NPAS3: variants seen among roughly 807,000 people sequenced by gnomAD.
The protein encoded by NPAS3 is neuronal PAS domain protein 3, also known as neuronal PAS domain-containing protein 3.
NPAS3 carries 14 observed loss-of-function variants against 73.1 expected under a neutral mutation model. The observed-to-expected ratio is 0.19, with a 90% CI of 0.13 to 0.30. The LOEUF (loss-of-function observed/expected upper bound fraction) is 0.30, where lower values mean the gene tolerates loss of function less well. NPAS3 is among the 10% of genes least tolerant of loss of function. NPAS3 has a pLI of 1.00. For missense variants in NPAS3, 1,096 were observed against 1,250.0 expected (o/e 0.88, Z 1.86); for synonymous variants, 620 against 541.5 (o/e 1.14, Z -2.01).
chr14:33,503,364 T>C (rs2052607893), intron 4 of NPAS3, among the ~76,000 whole-genome samples: 1 of 151,976 alleles, frequency 6.6e-6, no homozygotes, highest in South Asian at 2.1e-4. Flanking sequence ...ACTATAATAA[T>C]GTTCATGCCA....
intron 7 of NPAS3, among the ~76,000 whole-genome samples, chr14:33,755,068 G>A (rs2140789357): frequency 1.3e-5 from 2 of 152,238 alleles, no homozygotes; most frequent in South Asian, 4.2e-4. Flanking sequence ...TCCTCGTTTT[G>A]CCACTTGATA....
chr14:33,203,366 G>T (rs2046693655), intron 2 of NPAS3, among the ~76,000 whole-genome samples: 1 of 151,870 alleles, frequency 6.6e-6, no homozygotes, highest in East Asian at 1.9e-4. Flanking sequence ...AAGTTTTAGG[G>T]TATATGTGCA....
intron 4 of NPAS3, among the ~76,000 whole-genome samples, chr14:33,484,371 G>A (rs2051478032): frequency 6.6e-6 from 1 of 152,168 alleles, no homozygotes; most frequent in Admixed American, 6.5e-5. Flanking sequence ...ATCTATATTT[G>A]TCTTCCTTCG....
intron 2 of NPAS3, among the ~76,000 whole-genome samples, chr14:33,157,237 T>A (rs948138091): frequency 2.0e-5 from 3 of 152,210 alleles, no homozygotes; most frequent in Admixed American, 1.3e-4. Context: ...TACATAAGGT[T>A]CAAATTATCT....
At chr14:33,070,211 C>T (rs2041435715) in intron 2 of NPAS3, among the ~76,000 whole-genome samples, 1 of 152,086 alleles carries the variant, frequency 6.6e-6, no homozygotes, top group Non-Finnish European at 1.5e-5. Flanking sequence ...AATTACTCCT[C>T]CTTGTTTATA....
At chr14:33,791,749 CT>C (rs935572649) in intron 9 of NPAS3, among the ~76,000 whole-genome samples, 16 of 152,120 alleles carry the variant, frequency 1.1e-4, no homozygotes, top group Non-Finnish European at 1.5e-5. Context: ...GGAGATAATT[CT>C]TTTTAAAATT....
rs1172302918 is a variant in NPAS3, at chr14:33,475,155, G to C, written c.469-84966G>C. 2.0e-5 allele frequency among the ~76,000 whole-genome samples: 3 copies of C among 152,124 alleles called. No homozygotes were observed. In the South Asian group the frequency reaches 6.2e-4, roughly 32 times the overall value. ...GACATATCGAGTCATCAACATAGAA[G>C]TTTTGATCTAATGTGATAAGCTCTG... On this transcript the variant is annotated intron_variant, in intron 4 of 11. Coordinates refer to ENST00000356141, the Ensembl canonical transcript of NPAS3.
At chr14:33,670,461 G>T (rs931147583) in intron 5 of NPAS3, among the ~76,000 whole-genome samples, 11 of 152,172 alleles carry the variant, frequency 7.2e-5, no homozygotes, top group Non-Finnish European at 1.6e-4. Flanking sequence ...TGTCAAAACA[G>T]TTCATAAATA....
chr14:33,684,998 T>C (rs1288040633), intron 6 of NPAS3, among the ~76,000 whole-genome samples: 2 of 152,188 alleles, frequency 1.3e-5, no homozygotes, highest in Non-Finnish European at 2.9e-5. Context: ...AGAATTAGCT[T>C]GAGGGAAGAA....
intron 3 of NPAS3, among the ~76,000 whole-genome samples, chr14:33,303,939 G>T (rs1463436542): frequency 2.0e-5 from 3 of 152,144 alleles, no homozygotes; most frequent in Admixed American, 6.5e-5. Flanking sequence ...ACGGAGTCTC[G>T]CTCTGTTGCC....
chr14:33,555,518 TA>T (rs1019003313), intron 4 of NPAS3, among the ~76,000 whole-genome samples: 1 of 152,078 alleles, frequency 6.6e-6, no homozygotes, highest in African/African-American at 2.4e-5. Context: ...ATTCAAAATT[TA>T]AAAAAAATTC....
At chr14:33,224,536 T>C (rs2047551739) in intron 3 of NPAS3, among the ~76,000 whole-genome samples, 1 of 150,756 alleles carries the variant, frequency 6.6e-6, no homozygotes, top group South Asian at 2.1e-4. Context: ...CCAATAGATA[T>C]TTTTTTTGTT....
chr14:33,244,000 T>C (rs1284957232), intron 3 of NPAS3, among the ~76,000 whole-genome samples: 1 of 152,186 alleles, frequency 6.6e-6, no homozygotes, highest in Non-Finnish European at 1.5e-5. Flanking sequence ...CTTCTTTTTC[T>C]AGAAGGCTTC....
intron 6 of NPAS3, among the ~76,000 whole-genome samples, chr14:33,711,469 G>A (rs928958583): frequency 5.1e-4 from 77 of 152,254 alleles, no homozygotes; most frequent in African/African-American, 1.6e-3. Flanking sequence ...CCAAATAAAC[G>A]TAGATAGAAT....
chr14:33,760,848 T>C (rs1467620870), intron 7 of NPAS3, among the ~76,000 whole-genome samples: 2 of 152,222 alleles, frequency 1.3e-5, no homozygotes, highest in South Asian at 4.1e-4. Context: ...TAGCACAATA[T>C]GTAATATTTC....
chr14:33,145,544 ATAGATCTAC>A (rs781311788), intron 2 of NPAS3, among the ~76,000 whole-genome samples: 7 of 152,002 alleles, frequency 4.6e-5, no homozygotes, highest in Non-Finnish European at 7.4e-5. Context: ...CACTCAAATG[ATAGATCTAC>A]TTTCTATTCT....
intron 2 of NPAS3, among the ~76,000 whole-genome samples, chr14:33,211,780 G>T (rs542789351): frequency 6.6e-6 from 1 of 152,238 alleles, no homozygotes; most frequent in South Asian, 2.1e-4. Context: ...GATTTGTGAG[G>T]ATGATAATGT....
chr14:33,183,421 GTTTTTTTTTTTTTTTTTTTTTTT>G lies in NPAS3; in HGVS notation c.141-31747_141-31725del, dbSNP rs55643715. On this transcript the variant is annotated intron_variant, in intron 2 of 11. Transcript: ENST00000356141. Reference sequence around the variant, plus strand: ...AGCCTGGGCGACAGAGTGAGACTCTGTTTTTTTTTTTTTTTTTTTTTTTTTTTTTTTTTTTTGAAACAATCTGT... The same window carrying G: ...AGCCTGGGCGACAGAGTGAGACTCTGTTTTTTTTTTTTTGAAACAATCTGT... Among the ~76,000 whole-genome samples, 77 of 60,766 alleles carry G rather than the reference GTTTTTTTTTTTTTTTTTTTTTTT, an allele frequency of 1.3e-3. 1 individual carries two copies. The highest frequency in any genetic ancestry group is 1.7e-3 in the Non-Finnish European group (61 of 35,064). The allele number at this position is 60,766 out of a possible 152,430, so 39.9% of individuals were successfully genotyped here.
At chr14:33,316,653 T>C (rs1337852817) in intron 3 of NPAS3, among the ~76,000 whole-genome samples, 1 of 152,076 alleles carries the variant, frequency 6.6e-6, no homozygotes, top group Non-Finnish European at 1.5e-5. Context: ...TTGAGTATCA[T>C]GAGGAGAGGC....
Sources: gnomAD v4.1 joint callset for allele counts (sites outside exome capture counted in the v4.1 genomes callset) on GRCh38, gnomAD v4.1.1 for gene constraint, MANE v1.5 for transcripts, NCBI Gene and HGNC (gene_info 2026-07-23, HGNC 2026-07-21) for gene names.